Variants in GPR158 observed in about 807,000 individuals in gnomAD.
The protein encoded by GPR158 is G protein-coupled receptor 158.
A neutral mutation model predicts 78.2 loss-of-function variants in GPR158; 30 were observed. The observed-to-expected ratio is 0.38, with a 90% CI of 0.29 to 0.52. GPR158 has a LOEUF of 0.52. Ranked by LOEUF, GPR158 falls within the 20% of genes least tolerant of loss-of-function variation. The pLI, the probability that GPR158 is intolerant of heterozygous loss-of-function variation, is 0.83. For synonymous variants in GPR158, 581 were observed against 591.1 expected, an observed-to-expected ratio of 0.98 and a Z score of 0.25; for missense variants, 1,463 against 1,523.5, an observed-to-expected ratio of 0.96 and a Z score of 0.66.
intron 2 of GPR158, among the ~76,000 whole-genome samples, chr10:25,280,150 A>T (rs1436773775): frequency 6.6e-6 from 1 of 152,142 alleles, no homozygotes; most frequent in Non-Finnish European, 1.5e-5. Context: ...AACGGTAAAA[A>T]TGAAGTTGCT....
At chr10:25,484,483 A>G (rs1309838745) in intron 5 of GPR158, among the ~76,000 whole-genome samples, 1 of 152,214 alleles carries the variant, frequency 6.6e-6, no homozygotes, top group African/African-American at 2.4e-5. Context: ...AAATGACACA[A>G]TTTGGCAGTA....
intron 2 of GPR158, among the ~76,000 whole-genome samples, chr10:25,332,832 G>A (rs976393807): frequency 2.0e-5 from 3 of 152,124 alleles, no homozygotes; most frequent in Admixed American, 2.0e-4. Context: ...TTACCACTAA[G>A]GAAAGATAGT....
chr10:25,316,520 T>G (rs904752712), intron 2 of GPR158, among the ~76,000 whole-genome samples: 1 of 152,234 alleles, frequency 6.6e-6, no homozygotes, highest in Non-Finnish European at 1.5e-5. Context: ...TATTGAGCAC[T>G]GTACAATTTC....
intron 7 of GPR158, among the ~76,000 whole-genome samples, chr10:25,574,119 G>C (rs1439798003): frequency 5.5e-5 from 6 of 108,110 alleles, no homozygotes; most frequent in Admixed American, 2.6e-4. Context: ...TGAAGCAAAG[G>C]CCACTAGTTT....
At chr10:25,436,641 G>A (rs534094803) in intron 4 of GPR158, among the ~76,000 whole-genome samples, 11 of 152,330 alleles carry the variant, frequency 7.2e-5, no homozygotes, top group South Asian at 2.1e-4. Context: ...ATACTACTGC[G>A]TGATGGAATA....
rs1199919341 is a variant in GPR158 at position 25,295,646 on chromosome 10, C to T, written c.1008+74489C>T. Among the ~76,000 whole-genome samples the T allele has an allele frequency of 2.6e-5, 4 of 152,228 alleles. No individual in the cohort carries two copies. The East Asian group carries it at 7.7e-4, about 29-fold the overall frequency. On this transcript the variant is annotated intron_variant, in intron 2 of 10. Coordinates refer to ENST00000376351, the MANE Select transcript of GPR158 (RefSeq NM_020752.3). The stretch of plus-strand genomic sequence containing the variant: ...GCCAGGATGGTCTCAATCTTCTGAC[C>T]TCGTGATCCACCCGCCTCGGCCTCC...
chr10:25,327,544 C>T (rs2781256), intron 2 of GPR158, among the ~76,000 whole-genome samples: 12,657 of 90,376 alleles, frequency 0.14, 709 homozygotes, highest in South Asian at 0.28. Flanking sequence ...ACTTTCTCAG[C>T]TCTCACGTGA....
At chr10:25,587,810 C>T (rs1837290842) in intron 7 of GPR158, among the ~76,000 whole-genome samples, 1 of 152,146 alleles carries the variant, frequency 6.6e-6, no homozygotes, top group Admixed American at 6.5e-5. Context: ...TAAGGCCCTA[C>T]CTACCATTTA....
At chr10:25,373,724 A>G (rs567987617) in intron 2 of GPR158, among the ~76,000 whole-genome samples, 21 of 151,984 alleles carry the variant, frequency 1.4e-4, no homozygotes, top group African/African-American at 5.1e-4. Context: ...GTTTCCAAGT[A>G]TACTAGGATT....
chr10:25,414,107 C>G (rs1377138774), intron 4 of GPR158, among the ~76,000 whole-genome samples: 2 of 152,116 alleles, frequency 1.3e-5, no homozygotes, highest in African/African-American at 4.8e-5. Context: ...ACACAGTTCC[C>G]TATGAATTTT....
At position 25,412,259 on chromosome 10, in the gene GPR158, C is replaced by T. The variant is rs371356903; in HGVS notation, c.1121C>T (p.Pro374Leu). The T allele has an allele frequency of 2.4e-5, 39 of 1,612,744 alleles. No individual in the cohort carries two copies. The highest frequency in any genetic ancestry group is 5.3e-5 in the African/African-American group (4 of 74,898). ...LPVNNFRRRGPDQHISGSTKD... is the reference protein window; with the variant it reads ...LPVNNFRRRGLDQHISGSTKD... ...TATTTGGAACTTTCAGGAAGGGGTC[C>T]GGATCAGCATATTTCAGGAAGTACA... Residue 374 changes from proline (P) to leucine (L), a missense_variant, in exon 4 of 11, where the codon CCG becomes CTG. By Grantham distance (98) the Pro-to-Leu change is moderately conservative. Transcript: ENST00000376351.
intron 2 of GPR158, among the ~76,000 whole-genome samples, chr10:25,275,581 G>T (rs531159661): frequency 2.6e-4 from 40 of 152,066 alleles, no homozygotes; most frequent in African/African-American, 3.4e-4. Flanking sequence ...TTGAGAAGTG[G>T]GTGCTTGATA....
At chr10:25,545,483 T>G (rs1252696815) in intron 5 of GPR158, among the ~76,000 whole-genome samples, 1 of 152,206 alleles carries the variant, frequency 6.6e-6, no homozygotes, top group East Asian at 1.9e-4. Context: ...TTTCATGTGT[T>G]TGTTGGCCAC....
intron 6 of GPR158, among the ~76,000 whole-genome samples, chr10:25,562,864 G>C (rs1479441193): frequency 6.6e-6 from 1 of 152,152 alleles, no homozygotes; most frequent in African/African-American, 2.4e-5. Context: ...ATTACTGAGA[G>C]CAGGACCTTG....
At chr10:25,445,744 G>A (rs7067821) in intron 4 of GPR158, among the ~76,000 whole-genome samples, 44,180 of 151,736 alleles carry the variant, frequency 0.29, 7,229 homozygotes, top group Non-Finnish European at 0.38. Flanking sequence ...GAGAGAGAGA[G>A]GAGAGAGGGG....
chr10:25,412,463 G>A lies in GPR158; in HGVS notation c.1325G>A (p.Arg442His), dbSNP rs747936646. Residue 442 changes from arginine to histidine, a missense_variant, in exon 4 of 11, where the codon CGC becomes CAC. Arg to His is a conservative substitution (Grantham distance 29, BLOSUM62 0). Coordinates refer to ENST00000376351, the MANE Select transcript of GPR158 (RefSeq NM_020752.3). Reference protein sequence around the residue: ...FVSMLVVYHFRKAKSIRASGL... With the variant: ...FVSMLVVYHFHKAKSIRASGL... The stretch of plus-strand genomic sequence containing the variant: ...AGCATGCTGGTGGTCTACCACTTTC[G>A]CAAAGCAAAGGTAAACCCAGGAACC... 16 of 1,612,024 alleles carry A rather than the reference G, an allele frequency of 9.9e-6. No homozygotes were observed. The highest frequency in any genetic ancestry group is 1.7e-4 in the Middle Eastern group (1 of 5,884).
At position 25,176,772 on chromosome 10, in the gene GPR158, C is replaced by T. The variant is rs757885867; in HGVS notation, c.902+450C>T. ...AGGAGGAACAGAGAGTTCCTTGTTT[C>T]TGCCACTTTGGGGTAGCCTCTGCCT... On this transcript the variant is annotated intron_variant, in intron 1 of 10. Transcript: ENST00000376351. This position sits in a 1 kb window ranked among gnomAD's most constrained non-coding sequence, Gnocchi z 6.3. Among the ~76,000 whole-genome samples the T allele has an allele frequency of 4.2e-4, 64 of 152,236 alleles. No homozygotes were observed. Among genetic ancestry groups the T allele is most frequent in the Non-Finnish European group, 8.1e-4 (55 of 68,034 alleles).
At chr10:25,572,318 G>T (rs962885981) in intron 6 of GPR158, among the ~76,000 whole-genome samples, 7 of 152,146 alleles carry the variant, frequency 4.6e-5, no homozygotes, top group Non-Finnish European at 8.8e-5. Context: ...TACTGTTTCT[G>T]AATTTTCTCA....
At chr10:25,416,043 G>C (rs1481063393) in intron 4 of GPR158, among the ~76,000 whole-genome samples, 1 of 152,070 alleles carries the variant, frequency 6.6e-6, no homozygotes, top group African/African-American at 2.4e-5. Context: ...TTTTAAAGGA[G>C]TTTACATATT....
Sources: gnomAD v4.1 joint callset for allele counts (sites outside exome capture counted in the v4.1 genomes callset) on GRCh38, gnomAD v4.1.1 for gene constraint, Gnocchi (gnomAD v3.1) non-coding constraint, MANE v1.5 for transcripts, NCBI Gene and HGNC (gene_info 2026-07-23, HGNC 2026-07-21) for gene names.